Variants in ZNF236 observed in about 807,000 individuals in gnomAD.
The protein encoded by ZNF236 is regulated by glucose.
Under a neutral mutation model 191.2 loss-of-function variants are expected in ZNF236, and 50 were observed. The observed-to-expected ratio is 0.26, with a 90% CI of 0.21 to 0.33. ZNF236 has a LOEUF of 0.33. Among genes scored for constraint, ZNF236 ranks in the 10% least tolerant of loss-of-function variants. ZNF236 has a pLI of 1.00. For missense variants in ZNF236, 1,754 were observed against 2,374.5 expected (o/e 0.74, Z 5.43); for synonymous variants, 907 against 928.8 (o/e 0.98, Z 0.43).
intron 9 of ZNF236, among the ~76,000 whole-genome samples, chr18:76,893,626 G>C (rs567595719): frequency 1.3e-5 from 2 of 152,180 alleles, no homozygotes; most frequent in African/African-American, 4.8e-5. Flanking sequence ...TTCTACCTCA[G>C]CCTCCTGAGT....
At chr18:76,860,288 G>A (rs1369074301) in intron 3 of ZNF236, among the ~76,000 whole-genome samples, 1 of 152,160 alleles carries the variant, frequency 6.6e-6, no homozygotes, top group African/African-American at 2.4e-5. Context: ...GAAGGGCAAA[G>A]ATTACCTCTA....
At chr18:76,826,256 C>T (rs531128367) in intron 1 of ZNF236, among the ~76,000 whole-genome samples, 3 of 150,256 alleles carry the variant, frequency 2.0e-5, no homozygotes, top group African/African-American at 7.3e-5. Flanking sequence ...GTATTACAGG[C>T]GTGAGCCACC....
At position 76,908,437 on chromosome 18, in the gene ZNF236, C is replaced by G; in HGVS notation, c.2415C>G (p.Asp805Glu). 6.2e-7 allele frequency: 1 copy of G among 1,614,184 alleles called. No homozygotes were observed. The highest frequency in any genetic ancestry group is 8.5e-7 in the Non-Finnish European group (1 of 1,180,046). Residue 805 changes from aspartate to glutamate, a missense_variant, in exon 14 of 31, where the codon GAC becomes GAG. Around this residue, in one of 5 missense-constraint regions of ZNF236, gnomAD observed 641 missense variants for 869.6 expected, o/e 0.74. Transcript: ENST00000320610. Reference sequence around the variant, plus strand: ...AAATGCAGGTGGAGATCGAGAGCGACGAGCTGCCGCAGACGGCAGAGGTGG... The same window carrying G: ...AAATGCAGGTGGAGATCGAGAGCGAGGAGCTGCCGCAGACGGCAGAGGTGG... ...STQMQVEIES[D>E]ELPQTAEVVA...
At position 76,880,006 on chromosome 18, in the gene ZNF236, A is replaced by G; in HGVS notation, c.985-107A>G. ...AAATTTATGTTTAGGATACTCTTAG[A>G]TTTTAACACCCTTAAGGAGGGTATT... On this transcript the variant is annotated intron_variant, in intron 7 of 30. Coordinates refer to ENST00000320610, the MANE Select transcript of ZNF236 (RefSeq NM_001306089.2). This position sits in a 1 kb window ranked among gnomAD's most constrained non-coding sequence, Gnocchi z 5.0. The G allele has an allele frequency of 9.7e-7, 1 of 1,030,580 alleles. No homozygotes were observed. The highest frequency in any genetic ancestry group is 1.4e-6 in the Non-Finnish European group (1 of 713,434). The allele number at this position is 1,030,580 out of a possible 1,614,324, so 63.8% of individuals were successfully genotyped here.
At chr18:76,876,400 T>G (rs1461089028) in intron 6 of ZNF236, among the ~76,000 whole-genome samples, 1 of 152,236 alleles carries the variant, frequency 6.6e-6, no homozygotes, top group Non-Finnish European at 1.5e-5. Context: ...CAAATGTGTA[T>G]CTCTTAATTT....
At chr18:76,922,944 A>G in intron 20 of ZNF236, 127 bp from the exon 21 acceptor site, 1 of 671,488 alleles carries the variant, frequency 1.5e-6, no homozygotes, top group South Asian at 1.7e-5. Context: ...TATGGAGTGA[A>G]GCTTAAAGTT....
intron 6 of ZNF236, among the ~76,000 whole-genome samples, chr18:76,877,437 G>A (rs1024518034): frequency 6.6e-6 from 1 of 151,862 alleles, no homozygotes; most frequent in Non-Finnish European, 1.5e-5. Flanking sequence ...GACCTGGGAG[G>A]TAGAGGTTGC....
At chr18:76,924,350 G>A (rs903043082) in intron 21 of ZNF236, among the ~76,000 whole-genome samples, 2 of 152,228 alleles carry the variant, frequency 1.3e-5, no homozygotes, top group South Asian at 2.1e-4. Flanking sequence ...CGTAGGCCAC[G>A]TGGATAAGGA....
intron 26 of ZNF236, among the ~76,000 whole-genome samples, chr18:76,939,159 T>G (rs1158791813): frequency 6.6e-6 from 1 of 151,936 alleles, no homozygotes; most frequent in East Asian, 1.9e-4. Flanking sequence ...ATGGGGAAAC[T>G]CCGTCGCTAC....
chr18:76,920,167 T>C, intron 20 of ZNF236, 109 bp downstream of exon 20: 1 of 1,315,300 alleles, frequency 7.6e-7, no homozygotes. Flanking sequence ...CTGAACCTGG[T>C]GTCACCTGAG....
chr18:76,830,719 G>A (rs1348245236), intron 1 of ZNF236, among the ~76,000 whole-genome samples: 2 of 152,160 alleles, frequency 1.3e-5, no homozygotes, highest in African/African-American at 4.8e-5. Flanking sequence ...AAGCCGTCCT[G>A]GGCTGCATGT....
chr18:76,920,916 C>T (rs1022062910), intron 20 of ZNF236, among the ~76,000 whole-genome samples: 13 of 152,210 alleles, frequency 8.5e-5, no homozygotes, highest in African/African-American at 2.2e-4. Context: ...AAAGTATCAG[C>T]GTTCTCCTGA....
chr18:76,927,429 C>G lies in ZNF236; in HGVS notation c.4326C>G (p.Gly1442=), dbSNP rs767245860. 1 of 1,614,206 alleles carries G rather than the reference C, an allele frequency of 6.2e-7. No individual in the cohort carries two copies. The highest frequency in any genetic ancestry group is 1.1e-5 in the South Asian group (1 of 91,084). The change falls in exon 24 of 31, where the codon GGC becomes GGG. Residue 1442 remains glycine (G), a synonymous_variant. Coordinates refer to ENST00000320610, the MANE Select transcript of ZNF236 (RefSeq NM_001306089.2). This position sits in a 1 kb window ranked among gnomAD's most constrained non-coding sequence, Gnocchi z 5.4. ...GTGTTGTCATCCAGCCCATCTCAGG[C>G]CTGTCCTTACAGCCCACAGTGACCT... ...PASVVIQPIS[G]LSLQPTVTSA...
chr18:76,895,253 G>T lies in ZNF236; in HGVS notation c.1658G>T (p.Gly553Val). The T allele has an allele frequency of 6.3e-7, 1 of 1,599,730 alleles. No individual in the cohort carries two copies. The highest frequency in any genetic ancestry group is 1.1e-5 in the South Asian group (1 of 91,088). The change falls in exon 10 of 31, where the codon GGC (glycine) becomes GTC (valine). Residue 553 changes from glycine (G) to valine (V), a missense_variant. Gly to Val is a moderately radical substitution (Grantham distance 109, BLOSUM62 -3). Transcript: ENST00000320610. Reference sequence around the variant, plus strand: ...TGCATGAAGAGCTTCTCCACCTCTGGCAGCCTCAAGGTGCACATTCGCCTG... The same window carrying T: ...TGCATGAAGAGCTTCTCCACCTCTGTCAGCCTCAAGGTGCACATTCGCCTG... ...QYCMKSFSTSGSLKVHIRLHT... is the reference protein window; with the variant it reads ...QYCMKSFSTSVSLKVHIRLHT...
intron 25 of ZNF236, among the ~76,000 whole-genome samples, chr18:76,936,888 G>T (rs539575391): frequency 6.6e-6 from 1 of 151,684 alleles, no homozygotes; most frequent in Non-Finnish European, 1.5e-5. Flanking sequence ...GAGACTATGG[G>T]GTCACATTTT....
At chr18:76,912,793 C>T (rs1967253140) in intron 17 of ZNF236, among the ~76,000 whole-genome samples, 2 of 152,208 alleles carry the variant, frequency 1.3e-5, no homozygotes, top group Admixed American at 6.5e-5. Context: ...ACATACTGAG[C>T]ACCCTCTGTG....
chr18:76,911,141 A>G (rs963508254), intron 16 of ZNF236, among the ~76,000 whole-genome samples: 1 of 152,222 alleles, frequency 6.6e-6, no homozygotes, highest in Non-Finnish European at 1.5e-5. Flanking sequence ...CAACATTTTT[A>G]TTTGTGGACT....
At chr18:76,873,073 C>T (rs564975417) in intron 5 of ZNF236, among the ~76,000 whole-genome samples, 2 of 150,798 alleles carry the variant, frequency 1.3e-5, no homozygotes, top group African/African-American at 4.8e-5. Flanking sequence ...AAAACAATGC[C>T]TTTGTAAATG....
chr18:76,823,433 CAGT>C (rs1398600870), intron 1 of ZNF236, among the ~76,000 whole-genome samples: 2 of 151,940 alleles, frequency 1.3e-5, no homozygotes, highest in Non-Finnish European at 2.9e-5. Context: ...GTCGTGCAAA[CAGT>C]AGGCACCATT....
Sources: allele counts gnomAD v4.1 joint callset (sites outside exome capture counted in the v4.1 genomes callset), GRCh38; gene constraint gnomAD v4.1.1; regional missense constraint gnomAD v4.1.1; non-coding constraint Gnocchi (gnomAD v3.1); transcripts MANE v1.5; gene names NCBI Gene and HGNC (gene_info 2026-07-23, HGNC 2026-07-21).